ADGRD1: variants seen among roughly 807,000 people sequenced by gnomAD.
ADGRD1 encodes G-protein coupled receptor 133.
A neutral mutation model predicts 113.4 loss-of-function variants in ADGRD1; 77 were observed. The ratio of observed to expected loss-of-function variants is 0.68; its 90% CI spans 0.57 to 0.82. ADGRD1 has a LOEUF of 0.82. Among genes scored for constraint, ADGRD1 ranks in the 40% least tolerant of loss-of-function variants. The pLI is 0.00. For missense variants in ADGRD1, 1,036 were observed against 1,139.1 expected (o/e 0.91, Z 1.30); for synonymous variants, 474 against 475.0 (o/e 1.00, Z 0.03).
Position 131,014,185 on chromosome 12 carries a change from C to T in ADGRD1, c.1332-14C>T, listed in dbSNP as rs924691715. 2.0e-5 allele frequency: 33 copies of T among 1,611,876 alleles called. No individual in the cohort carries two copies. Among genetic ancestry groups the T allele is most frequent in the Non-Finnish European group, 2.4e-5 (28 of 1,178,920 alleles). ...GCGTTTCCCATTTTGTAATGATTTC[C>T]GTCTCTTCCCAAGGATCGCGGAGGC... is the stretch of plus-strand genomic sequence containing the variant. On this transcript the variant is annotated splice_polypyrimidine_tract_variant and intron_variant, in intron 12 of 24. Transcript: ENST00000261654.
Position 131,113,079 on chromosome 12 carries a change from T to C in ADGRD1, c.2041+4202T>C, listed in dbSNP as rs1950380848. 6.6e-6 allele frequency among the ~76,000 whole-genome samples: 1 copy of C among 152,132 alleles called. No individual in the cohort carries two copies. Among genetic ancestry groups the C allele is most frequent in the African/African-American group, 2.4e-5 (1 of 41,424 alleles). ...TGGAGGGAGTGGAGCCCTGTCTTCT[T>C]GCCCACACCTACTTGGAGCAGAGCC... On this transcript the variant is annotated intron_variant, in intron 18 of 24. Transcript: ENST00000261654. This position sits in a 1 kb window ranked among gnomAD's most constrained non-coding sequence, Gnocchi z 4.9.
chr12:131,066,117 C>T (rs1401829906), intron 13 of ADGRD1, among the ~76,000 whole-genome samples: 1 of 152,202 alleles, frequency 6.6e-6, no homozygotes, highest in Non-Finnish European at 1.5e-5. Flanking sequence ...TGTGGGGCAA[C>T]TCCAGACTCA....
At chr12:131,073,296 TCTCTCCCATTA>T (rs1457288682) in intron 13 of ADGRD1, among the ~76,000 whole-genome samples, 51 of 152,334 alleles carry the variant, frequency 3.3e-4, no homozygotes, top group Admixed American at 1.7e-3. Flanking sequence ...CCTTGTCGTA[TCTCTCCCATTA>T]CTTCTGTTAT....
chr12:131,003,958 G>GCCCGTGGGCCGGAATGCTGAGCCTC lies in ADGRD1; in HGVS notation c.1145-220_1145-196dup, dbSNP rs1876739088. Among the ~76,000 whole-genome samples the GCCCGTGGGCCGGAATGCTGAGCCTC allele has an allele frequency of 1.3e-5, 2 of 151,934 alleles. No homozygotes were observed. The highest frequency in any genetic ancestry group is 4.2e-4 in the South Asian group (2 of 4,804). Reference sequence around the variant, plus strand: ...GGGCGCCCCAGGTGAGGAGCCGCGCGCCCGTGGGCCGGAATGCTGAGCCTC... The same window carrying GCCCGTGGGCCGGAATGCTGAGCCTC: ...GGGCGCCCCAGGTGAGGAGCCGCGCGCCCGTGGGCCGGAATGCTGAGCCTCCCCGTGGGCCGGAATGCTGAGCCTC... On this transcript the variant is annotated intron_variant, in intron 10 of 24. Transcript: ENST00000261654. The surrounding 1 kb of genome is among the most constrained non-coding windows in gnomAD (Gnocchi z 4.8).
At chr12:131,115,214 G>A (rs984769377) in intron 18 of ADGRD1, among the ~76,000 whole-genome samples, 1 of 152,192 alleles carries the variant, frequency 6.6e-6, no homozygotes, top group African/African-American at 2.4e-5. Flanking sequence ...CCGTGGTGGT[G>A]GACAGTGAAG....
intron 8 of ADGRD1, among the ~76,000 whole-genome samples, chr12:130,996,427 G>A (rs1226260724): frequency 8.3e-5 from 7 of 84,678 alleles, no homozygotes; most frequent in Admixed American, 3.3e-4. Flanking sequence ...CCTCCCTCCC[G>A]GACGGGGCGG....
intron 8 of ADGRD1, among the ~76,000 whole-genome samples, chr12:130,996,835 T>C (rs1875489839): frequency 9.4e-6 from 1 of 106,686 alleles, no homozygotes; most frequent in African/African-American, 3.7e-5. Context: ...GGCGGGGGGC[T>C]GACCCCCCCA....
intron 12 of ADGRD1, among the ~76,000 whole-genome samples, chr12:131,009,253 C>A (rs566561385): frequency 6.6e-6 from 1 of 152,250 alleles, no homozygotes; most frequent in Non-Finnish European, 1.5e-5. Context: ...TGGCCTCACG[C>A]CCCTCACGAG....
At chr12:131,128,460 A>G (rs1329597344) in intron 20 of ADGRD1, among the ~76,000 whole-genome samples, 1 of 152,190 alleles carries the variant, frequency 6.6e-6, no homozygotes, top group Non-Finnish European at 1.5e-5. Flanking sequence ...CCCCAAGGAC[A>G]CTGCTCCGTC....
intron 13 of ADGRD1, chr12:131,030,891 C>T (rs944904988): frequency 6.6e-6 from 1 of 152,254 alleles, no homozygotes; most frequent in Non-Finnish European, 1.5e-5. Context: ...CACTGAGCCG[C>T]ATCTGCAGCC....
chr12:131,064,728 G>A (rs1045511884), intron 13 of ADGRD1, among the ~76,000 whole-genome samples: 2 of 152,154 alleles, frequency 1.3e-5, no homozygotes, highest in African/African-American at 2.4e-5. Flanking sequence ...AGACCCTTTC[G>A]CTACTCAAGT....
intron 13 of ADGRD1, among the ~76,000 whole-genome samples, chr12:131,062,589 G>C (rs946404451): frequency 6.6e-6 from 1 of 152,098 alleles, no homozygotes; most frequent in Non-Finnish European, 1.5e-5. Context: ...TAGTGAATAC[G>C]TCTCTTGAGA....
At chr12:131,053,548 G>A (rs1883590937) in intron 13 of ADGRD1, among the ~76,000 whole-genome samples, 2 of 152,184 alleles carry the variant, frequency 1.3e-5, no homozygotes, top group African/African-American at 2.4e-5. Flanking sequence ...TCACCCCACA[G>A]TAACCCCATA....
chr12:131,135,949 A>G (rs1176231719), intron 21 of ADGRD1, 88 bp from the exon 22 acceptor site: 2 of 1,459,364 alleles, frequency 1.4e-6, no homozygotes, highest in South Asian at 1.2e-5. Flanking sequence ...GCCTGCACCC[A>G]TCTGGAAGCC....
intron 12 of ADGRD1, among the ~76,000 whole-genome samples, chr12:131,013,247 C>T (rs1878145078): frequency 6.6e-6 from 1 of 152,086 alleles, no homozygotes; most frequent in Admixed American, 6.6e-5. Flanking sequence ...CAGTTTTAGG[C>T]CAAGGGGGAG....
chr12:130,982,115 C>T lies in ADGRD1; in HGVS notation c.490+52C>T, dbSNP rs1375206794. On this transcript the variant is annotated intron_variant, in intron 5 of 24. Transcript: ENST00000261654. ...GCTCTGCCTGGAGGAGTGGAGTCTT[C>T]TCTGAGAATGGACGCTGAGAAGCCC... The T allele has an allele frequency of 2.0e-6, 3 of 1,484,316 alleles. No individual in the cohort carries two copies. In the Admixed American group the frequency reaches 5.6e-5, roughly 28 times the overall value. The allele number at this position is 1,484,316 out of a possible 1,614,324, so 91.9% of individuals were successfully genotyped here.
At chr12:130,964,874 TTCTG>T (rs1335456547) in intron 2 of ADGRD1, among the ~76,000 whole-genome samples, 2 of 152,190 alleles carry the variant, frequency 1.3e-5, no homozygotes, top group Admixed American at 1.3e-4. Flanking sequence ...CTTTATCCTC[TTCTG>T]TTTCTTCTCC....
intron 19 of ADGRD1, among the ~76,000 whole-genome samples, chr12:131,120,515 G>A (rs534069970): frequency 2.6e-5 from 4 of 152,240 alleles, no homozygotes; most frequent in Admixed American, 1.3e-4. Flanking sequence ...CCTCACAGAA[G>A]GCCCCTATTG....
chr12:131,087,432 G>T (rs1158846441), intron 15 of ADGRD1, among the ~76,000 whole-genome samples: 3 of 152,208 alleles, frequency 2.0e-5, no homozygotes, highest in Non-Finnish European at 4.4e-5. Context: ...AGCCTCCTCA[G>T]TAGCTTCCAT....
Sources: gnomAD v4.1 joint callset for allele counts (sites outside exome capture counted in the v4.1 genomes callset) on GRCh38, gnomAD v4.1.1 for gene constraint, Gnocchi (gnomAD v3.1) non-coding constraint, MANE v1.5 for transcripts, NCBI Gene and HGNC (gene_info 2026-07-23, HGNC 2026-07-21) for gene names.